ERLIN1: variants seen among roughly 807,000 people sequenced by gnomAD.
The protein encoded by ERLIN1 is erlin-1.
In ERLIN1, 24 loss-of-function variants were observed where a neutral mutation model predicts 46.9. The observed-to-expected ratio is 0.51, with a 90% confidence interval of 0.37 to 0.72. The LOEUF (loss-of-function observed/expected upper bound fraction) is 0.72. Among genes scored for constraint, ERLIN1 ranks in the 30% least tolerant of loss-of-function variants. The pLI is 0.00. For missense variants in ERLIN1, 293 were observed against 417.9 expected, an observed-to-expected ratio of 0.70 and a Z score of 2.61; for synonymous variants, 158 against 143.2, an observed-to-expected ratio of 1.10 and a Z score of -0.74.
chr10:100,180,416 A>G (rs1309089197), intron 2 of ERLIN1, among the ~76,000 whole-genome samples: 1 of 152,222 alleles, frequency 6.6e-6, no homozygotes, highest in Non-Finnish European at 1.5e-5. Flanking sequence ...CAAAAACACA[A>G]ATTATAAACT....
chr10:100,181,411 A>G (rs1307003784), intron 2 of ERLIN1, among the ~76,000 whole-genome samples: 1 of 151,950 alleles, frequency 6.6e-6, no homozygotes, highest in African/African-American at 2.4e-5. Flanking sequence ...ATTCCTTTCA[A>G]TTGCCAAGTT....
Position 100,152,350 on chromosome 10 carries a change from G to A in ERLIN1, c.828C>T (p.His276=). ...GCTCCAGATATTCCGGGGTCAACTT[G>A]TGCTGTGTGGGAGCAAACAAGAGCA... ...AAHKYATSNK[H]KLTPEYLELK... is the part of the protein sequence containing the mutation. The change falls in exon 11 of 11, where the codon CAC becomes CAT. Residue 276 remains histidine, a splice_region_variant and synonymous_variant. Transcript: ENST00000421367. The A allele has an allele frequency of 3.8e-6, 6 of 1,598,660 alleles. No individual in the cohort carries two copies. The highest frequency in any genetic ancestry group is 5.1e-6 in the Non-Finnish European group (6 of 1,165,560).
At chr10:100,176,662 T>C (rs1370207857) in intron 4 of ERLIN1, among the ~76,000 whole-genome samples, 2 of 152,172 alleles carry the variant, frequency 1.3e-5, no homozygotes. Context: ...TAAATTTGCA[T>C]ATTAGGAAAC....
chr10:100,178,273 G>T, intron 3 of ERLIN1, 79 bp from the exon 4 acceptor site: 2 of 871,512 alleles, frequency 2.3e-6, no homozygotes, highest in Non-Finnish European at 1.8e-6. Flanking sequence ...GGGAGAAGCT[G>T]ATAATGAAAC....
chr10:100,183,213 CAAGACACTTTTCGAGGAT>C (rs1208893533), intron 2 of ERLIN1, among the ~76,000 whole-genome samples: 3 of 152,154 alleles, frequency 2.0e-5, no homozygotes, highest in African/African-American at 7.2e-5. Context: ...CTCCCATGGC[CAAGACACTTTTCGAGGAT>C]TAGACACTTA....
intron 6 of ERLIN1, among the ~76,000 whole-genome samples, chr10:100,173,749 C>A (rs1844135855): frequency 6.6e-6 from 1 of 152,192 alleles, no homozygotes; most frequent in African/African-American, 2.4e-5. Context: ...ACAGCCCTCT[C>A]CTAGACACAC....
chr10:100,184,197 G>C, intron 1 of ERLIN1, among the ~76,000 whole-genome samples: 1 of 151,972 alleles, frequency 6.6e-6, no homozygotes, highest in East Asian at 1.9e-4. Context: ...CATAACAAGA[G>C]CCAAATCAAA....
chr10:100,170,609 G>A (rs1843936138), intron 6 of ERLIN1, among the ~76,000 whole-genome samples: 1 of 152,206 alleles, frequency 6.6e-6, no homozygotes. Context: ...AGCTTGGCTT[G>A]AGATGACAGT....
chr10:100,160,061 C>T (rs1302888468), intron 8 of ERLIN1, among the ~76,000 whole-genome samples: 1 of 152,042 alleles, frequency 6.6e-6, no homozygotes, highest in Admixed American at 6.5e-5. Flanking sequence ...AAAAGGGGCA[C>T]ACAGATTTGG....
At chr10:100,172,073 G>A (rs1331464229) in intron 6 of ERLIN1, among the ~76,000 whole-genome samples, 1 of 152,218 alleles carries the variant, frequency 6.6e-6, no homozygotes, top group Non-Finnish European at 1.5e-5. Flanking sequence ...TATTGTAAGA[G>A]AGGGATTTAA....
At chr10:100,156,974 C>T (rs1477182107) in intron 8 of ERLIN1, among the ~76,000 whole-genome samples, 1 of 152,132 alleles carries the variant, frequency 6.6e-6, no homozygotes, top group Non-Finnish European at 1.5e-5. Flanking sequence ...ATGATCATGC[C>T]ACTGCACTCC....
At position 100,171,963 on chromosome 10, in the gene ERLIN1, G is replaced by C. The variant is rs374262541; in HGVS notation, c.504+2245C>G. ...GCTTACCAACACTGCTAATGAGGGGGGGAGCTGCTAAAATTTTTCTAAAAG... is the reference window on the plus strand; with the variant it reads ...GCTTACCAACACTGCTAATGAGGGGCGGAGCTGCTAAAATTTTTCTAAAAG... On this transcript the variant is annotated intron_variant, in intron 6 of 10. Transcript: ENST00000421367. 3.9e-5 allele frequency among the ~76,000 whole-genome samples: 6 copies of C among 152,210 alleles called. No individual in the cohort carries two copies. In the East Asian group the frequency reaches 1.2e-3, roughly 29 times the overall value.
chr10:100,168,949 G>T (rs1414796249), intron 6 of ERLIN1, among the ~76,000 whole-genome samples: 1 of 152,122 alleles, frequency 6.6e-6, no homozygotes, highest in Non-Finnish European at 1.5e-5. Flanking sequence ...CTCCCAAAGT[G>T]CTGGGATTAC....
chr10:100,161,676 AC>A (rs1392091430), intron 8 of ERLIN1, among the ~76,000 whole-genome samples: 3 of 152,304 alleles, frequency 2.0e-5, no homozygotes, highest in East Asian at 1.9e-4. Context: ...ACATCGCAAG[AC>A]TTAACATAAA....
chr10:100,185,996 A>G lies in ERLIN1; in HGVS notation c.-370T>C. The G allele has an allele frequency of 4.7e-6, 2 of 426,152 alleles. No homozygotes were observed. 26.4% of individuals were successfully genotyped at this position (426,152 alleles called of 1,614,324 possible). A position where few individuals can be genotyped will look rare whatever the true frequency, so the allele number is the denominator to read the frequency against. On this transcript the variant is annotated 5_prime_UTR_variant, in exon 1 of 11. Transcript: ENST00000421367. The stretch of plus-strand genomic sequence containing the variant: ...ACGCATCGCCCCCGCCCGCACGTGC[A>G]GCCGACTCCCGCGCCGAGCCAACCG...
At chr10:100,160,017 A>G (rs138246225) in intron 8 of ERLIN1, among the ~76,000 whole-genome samples, 78 of 152,226 alleles carry the variant, frequency 5.1e-4, no homozygotes, top group African/African-American at 1.8e-3. Flanking sequence ...TGATACAGCA[A>G]AAGAAAAGGC....
intron 10 of ERLIN1, among the ~76,000 whole-genome samples, chr10:100,152,900 G>T (rs1842882371): frequency 6.6e-6 from 1 of 151,882 alleles, no homozygotes; most frequent in South Asian, 2.1e-4. Flanking sequence ...GCCCAGGCTG[G>T]AATACAGTGG....
intron 2 of ERLIN1, among the ~76,000 whole-genome samples, chr10:100,180,406 C>G (rs568433759): frequency 4.6e-5 from 7 of 151,798 alleles, no homozygotes; most frequent in African/African-American, 1.7e-4. Context: ...AAAACAAAAC[C>G]AAAAACACAA....
Position 100,154,985 on chromosome 10 carries a change from G to C in ERLIN1, c.746-46C>G, listed in dbSNP as rs765923749. The C allele has an allele frequency of 2.0e-5, 29 of 1,481,048 alleles. No individual in the cohort carries two copies. In the Admixed American group the frequency reaches 4.7e-4, roughly 24 times the overall value. 91.7% of individuals were successfully genotyped at this position (1,481,048 alleles called of 1,614,324 possible). ...AGGTGTCAATCCATTCCCTCAGCTAGTTAAGAGTCCCTTTCCCCACTGCTT... is the reference window on the plus strand; with the variant it reads ...AGGTGTCAATCCATTCCCTCAGCTACTTAAGAGTCCCTTTCCCCACTGCTT... On this transcript the variant is annotated intron_variant, in intron 9 of 10. Transcript: ENST00000421367.
Sources: gnomAD v4.1 joint callset for allele counts (sites outside exome capture counted in the v4.1 genomes callset) on GRCh38, gnomAD v4.1.1 for gene constraint, MANE v1.5 for transcripts, NCBI Gene and HGNC (gene_info 2026-07-23, HGNC 2026-07-21) for gene names.